Variants in ESRRG observed in about 807,000 individuals in gnomAD.
ESRRG encodes estrogen-related receptor gamma.
In ESRRG, 13 loss-of-function variants were observed where a neutral mutation model predicts 44.0. The ratio of observed to expected loss-of-function variants is 0.30; its 90% CI spans 0.19 to 0.47. The LOEUF (loss-of-function observed/expected upper bound fraction) is 0.47. Ranked by LOEUF, ESRRG falls within the 20% of genes least tolerant of loss-of-function variation. The pLI is 1.00. For missense variants in ESRRG, 395 were observed against 580.6 expected (o/e 0.68, Z 3.29); for synonymous variants, 215 against 214.6 (o/e 1.00, Z -0.02).
chr1:216,944,269 T>C (rs1384545937), intron 1 of ESRRG, among the ~76,000 whole-genome samples: 1 of 152,176 alleles, frequency 6.6e-6, no homozygotes, highest in East Asian at 1.9e-4. Flanking sequence ...GGACAAAATA[T>C]TTTTAAAATA....
intron 2 of ESRRG, among the ~76,000 whole-genome samples, chr1:216,934,840 G>A (rs1246961193): frequency 6.6e-6 from 1 of 152,104 alleles, no homozygotes; most frequent in Non-Finnish European, 1.5e-5. Context: ...GTGCGTATTG[G>A]TGACTCTTTT....
intron 1 of ESRRG, among the ~76,000 whole-genome samples, chr1:217,097,988 G>A (rs969652410): frequency 1.3e-5 from 2 of 152,114 alleles, no homozygotes; most frequent in Admixed American, 1.3e-4. Flanking sequence ...ACATCTGAGG[G>A]TGGGAACCAG....
At chr1:216,983,789 C>T (rs1266068202) in intron 1 of ESRRG, among the ~76,000 whole-genome samples, 2 of 146,158 alleles carry the variant, frequency 1.4e-5, no homozygotes, top group African/African-American at 4.9e-5. Context: ...GCAACGCATA[C>T]CAAGTTATTA....
At chr1:216,794,716 T>C (rs183917654) in intron 2 of ESRRG, among the ~76,000 whole-genome samples, 67 of 152,306 alleles carry the variant, frequency 4.4e-4, no homozygotes, top group African/African-American at 1.5e-3. Context: ...AAGGGTTCAC[T>C]GAGTAGAAAG....
At position 216,677,245 on chromosome 1, in the gene ESRRG, A is replaced by G. The variant is rs777963595; in HGVS notation, c.303T>C (p.Tyr101=). The part of the protein sequence containing the change: ...LGGSGPVRKL[Y]DDCSSTIVED... ...CAACAATGGTGCTGGAGCAGTCATC[A>G]TACAGTTTCCTGACAGGCCCACTAC... The change falls in exon 2 of 7, where the codon TAT becomes TAC. Residue 101 remains tyrosine, a synonymous_variant. Coordinates refer to ENST00000408911, the MANE Select transcript of ESRRG (RefSeq NM_001438.4). 1 of 1,614,164 alleles carries G rather than the reference A, an allele frequency of 6.2e-7. No homozygotes were observed. Among genetic ancestry groups the G allele is most frequent in the South Asian group, 1.1e-5 (1 of 91,080 alleles).
chr1:216,876,961 A>G (rs61818565), intron 2 of ESRRG, among the ~76,000 whole-genome samples: 23,968 of 148,442 alleles, frequency 0.16, 2,277 homozygotes, highest in South Asian at 0.22. Context: ...GTCTGATTCG[A>G]GAATCTCTTC....
intron 1 of ESRRG, among the ~76,000 whole-genome samples, chr1:217,072,979 T>C (rs2151460347): frequency 6.6e-6 from 1 of 152,062 alleles, no homozygotes; most frequent in South Asian, 2.1e-4. Context: ...CAAGGGCATG[T>C]TCTCTGCCCT....
At chr1:216,776,991 A>C (rs1646864742) in intron 2 of ESRRG, among the ~76,000 whole-genome samples, 1 of 152,100 alleles carries the variant, frequency 6.6e-6, no homozygotes, top group African/African-American at 2.4e-5. Context: ...GTTGGACTCC[A>C]CACCTAGTCT....
intron 2 of ESRRG, among the ~76,000 whole-genome samples, chr1:216,890,463 A>C (rs1426158489): frequency 6.6e-6 from 1 of 152,138 alleles, no homozygotes; most frequent in Non-Finnish European, 1.5e-5. Flanking sequence ...AATACAATAC[A>C]ATTCCAACTT....
At chr1:216,606,370 T>A (rs944631949) in intron 3 of ESRRG, among the ~76,000 whole-genome samples, 1 of 152,248 alleles carries the variant, frequency 6.6e-6, no homozygotes, top group African/African-American at 2.4e-5. Context: ...ACATGTACAA[T>A]GGACTAACTC....
chr1:217,078,567 A>G (rs189769211), intron 1 of ESRRG, among the ~76,000 whole-genome samples: 104 of 152,296 alleles, frequency 6.8e-4, no homozygotes, highest in African/African-American at 2.3e-3. Context: ...CATCTCAGGT[A>G]TGTTAGCGCA....
chr1:216,645,625 C>T (rs2067376187), intron 3 of ESRRG, among the ~76,000 whole-genome samples: 1 of 151,730 alleles, frequency 6.6e-6, no homozygotes, highest in African/African-American at 2.4e-5. Flanking sequence ...TAATCCTAGT[C>T]CTTTGGGAGG....
chr1:216,675,858 T>C (rs2076018088), intron 2 of ESRRG, among the ~76,000 whole-genome samples: 2 of 152,190 alleles, frequency 1.3e-5, no homozygotes, highest in Non-Finnish European at 2.9e-5. Context: ...ACATTAAGCA[T>C]CACCTAGGAA....
intron 1 of ESRRG, among the ~76,000 whole-genome samples, chr1:216,684,553 G>A (rs1276326393): frequency 1.3e-5 from 2 of 152,142 alleles, no homozygotes; most frequent in Non-Finnish European, 2.9e-5. Context: ...TTAACCATCT[G>A]AGCTTTTCTT....
intron 2 of ESRRG, among the ~76,000 whole-genome samples, chr1:216,931,969 G>T (rs1048626987): frequency 6.6e-6 from 1 of 152,264 alleles, no homozygotes; most frequent in Admixed American, 6.5e-5. Context: ...ACTTTGGGAG[G>T]CCGAGGCAGG....
intron 1 of ESRRG, among the ~76,000 whole-genome samples, chr1:217,118,154 G>C (rs1380543763): frequency 1.3e-5 from 2 of 152,112 alleles, no homozygotes; most frequent in Non-Finnish European, 2.9e-5. Context: ...TCATCCATGT[G>C]GGGAAACTCA....
intron 1 of ESRRG, among the ~76,000 whole-genome samples, chr1:217,029,175 G>A (rs1158351441): frequency 1.3e-5 from 2 of 152,186 alleles, no homozygotes; most frequent in African/African-American, 4.8e-5. Context: ...AATGCCCATG[G>A]GCGAACATGT....
At chr1:217,083,644 A>G (rs542106683) in intron 1 of ESRRG, among the ~76,000 whole-genome samples, 152 of 152,332 alleles carry the variant, frequency 1.0e-3, no homozygotes, top group Non-Finnish European at 1.9e-3. Flanking sequence ...CATTAGCTAC[A>G]AAGAGCACAG....
intron 1 of ESRRG, among the ~76,000 whole-genome samples, chr1:217,060,821 T>TAGATAGATGAC (rs2088262223): frequency 7.2e-6 from 1 of 137,952 alleles, no homozygotes; most frequent in South Asian, 2.6e-4. Flanking sequence ...GATAGATAGA[T>TAGATAGATGAC]AGATAGATAG....
Sources: gnomAD v4.1 joint callset for allele counts (sites outside exome capture counted in the v4.1 genomes callset) on GRCh38, gnomAD v4.1.1 for gene constraint, MANE v1.5 for transcripts, NCBI Gene and HGNC (gene_info 2026-07-23, HGNC 2026-07-21) for gene names.